The following LRRTM4 variants were observed in gnomAD, a reference collection of about 807,000 sequenced individuals.
LRRTM4 encodes leucine rich repeat transmembrane neuronal 4.
In LRRTM4, 25 loss-of-function variants were observed where a neutral mutation model predicts 47.6. The ratio of observed to expected loss-of-function variants is 0.53; its 90% CI spans 0.38 to 0.73. The LOEUF (loss-of-function observed/expected upper bound fraction) is 0.73, where lower values mean the gene tolerates loss of function less well. LRRTM4 is among the 30% of genes least tolerant of loss of function. The pLI, the probability that LRRTM4 is intolerant of heterozygous loss-of-function variation, is 0.00. For missense variants in LRRTM4, 638 were observed against 713.4 expected, an observed-to-expected ratio of 0.89 and a Z score of 1.20; for synonymous variants, 311 against 269.5, an observed-to-expected ratio of 1.15 and a Z score of -1.51.
intron 3 of LRRTM4, 174 bp downstream of exon 3, chr2:77,518,144 A>T: frequency 2.4e-6 from 3 of 1,245,664 alleles, no homozygotes; most frequent in African/African-American, 1.5e-5. Context: ...AAAAAAAAAA[A>T]GCAGTCAATT....
intron 3 of LRRTM4, among the ~76,000 whole-genome samples, chr2:76,872,738 G>A (rs562655663): frequency 1.4e-4 from 21 of 152,104 alleles, no homozygotes; most frequent in Admixed American, 1.2e-3. Flanking sequence ...AATGTAGGAG[G>A]TGAGACCTAA....
chr2:77,270,153 A>T (rs1031879274), intron 3 of LRRTM4, among the ~76,000 whole-genome samples: 1 of 152,190 alleles, frequency 6.6e-6, no homozygotes, highest in Non-Finnish European at 1.5e-5. Flanking sequence ...CCAAAGTAAA[A>T]ACCTCTACCT....
chr2:77,504,715 A>T (rs1164467185), intron 3 of LRRTM4, among the ~76,000 whole-genome samples: 1 of 151,580 alleles, frequency 6.6e-6, no homozygotes, highest in African/African-American at 2.4e-5. Context: ...AGGAGCTGAC[A>T]TCCCTTATTT....
chr2:77,429,546 TACA>T (rs1675273306), intron 3 of LRRTM4, among the ~76,000 whole-genome samples: 1 of 152,184 alleles, frequency 6.6e-6, no homozygotes, highest in African/African-American at 2.4e-5. Context: ...TCCTGTCGTT[TACA>T]ACGACATAGA....
chr2:77,509,593 T>C (rs1167378429), intron 3 of LRRTM4, among the ~76,000 whole-genome samples: 2 of 152,152 alleles, frequency 1.3e-5, no homozygotes, highest in Non-Finnish European at 2.9e-5. Flanking sequence ...TCATCATAAC[T>C]AATAATAACA....
At chr2:77,241,219 C>T (rs966649115) in intron 3 of LRRTM4, among the ~76,000 whole-genome samples, 22 of 106,126 alleles carry the variant, frequency 2.1e-4, no homozygotes, top group Non-Finnish European at 2.1e-5. Flanking sequence ...CACACACACA[C>T]ACACACACAC....
At chr2:77,016,531 C>A (rs1678077994) in intron 3 of LRRTM4, among the ~76,000 whole-genome samples, 1 of 152,044 alleles carries the variant, frequency 6.6e-6, no homozygotes, top group Non-Finnish European at 1.5e-5. Context: ...TAATGTATTA[C>A]AATCATGTTG....
intron 3 of LRRTM4, among the ~76,000 whole-genome samples, chr2:76,890,957 T>C (rs1425326966): frequency 1.3e-5 from 2 of 151,774 alleles, no homozygotes; most frequent in African/African-American, 4.8e-5. Context: ...CACAGCCTAA[T>C]GGGGAAATTA....
intron 3 of LRRTM4, among the ~76,000 whole-genome samples, chr2:77,382,256 A>G (rs1375050430): frequency 6.6e-6 from 1 of 152,138 alleles, no homozygotes; most frequent in East Asian, 1.9e-4. Flanking sequence ...CAAATATATT[A>G]TCACTGATGG....
At chr2:77,224,706 G>T (rs1220103650) in intron 3 of LRRTM4, among the ~76,000 whole-genome samples, 1 of 152,056 alleles carries the variant, frequency 6.6e-6, no homozygotes, top group Admixed American at 6.6e-5. Context: ...AAAAAGTCAG[G>T]AAACAACAGG....
chr2:76,847,540 G>T (rs1298416539), intron 3 of LRRTM4, among the ~76,000 whole-genome samples: 1 of 151,776 alleles, frequency 6.6e-6, no homozygotes, highest in African/African-American at 2.4e-5. Flanking sequence ...TGGCCAGCAG[G>T]TCAGTCTAGG....
intron 3 of LRRTM4, among the ~76,000 whole-genome samples, chr2:77,101,662 A>C (rs1164883881): frequency 1.3e-5 from 2 of 152,164 alleles, no homozygotes; most frequent in Non-Finnish European, 2.9e-5. Flanking sequence ...TTCACATAGG[A>C]ATTCTGATTT....
chr2:76,780,927 G>T (rs1413631852), intron 3 of LRRTM4, among the ~76,000 whole-genome samples: 2 of 152,078 alleles, frequency 1.3e-5, no homozygotes, highest in Non-Finnish European at 2.9e-5. Context: ...GTGATGTACA[G>T]ATGGGTTTGT....
chr2:77,283,931 TG>T (rs2104107107), intron 3 of LRRTM4, among the ~76,000 whole-genome samples: 1 of 152,152 alleles, frequency 6.6e-6, no homozygotes, highest in Admixed American at 6.6e-5. Context: ...TTACTCAATA[TG>T]TCCATTCAAC....
intron 3 of LRRTM4, among the ~76,000 whole-genome samples, chr2:77,409,173 T>C (rs571076853): frequency 6.6e-6 from 1 of 152,238 alleles, no homozygotes; most frequent in African/African-American, 2.4e-5. Context: ...TAATAATATG[T>C]GTAAGAGTGT....
chr2:77,248,018 G>C (rs1257129807), intron 3 of LRRTM4, among the ~76,000 whole-genome samples: 2 of 150,218 alleles, frequency 1.3e-5, no homozygotes, highest in Non-Finnish European at 3.0e-5. Context: ...GGTTATACTA[G>C]TACACCAGAA....
intron 3 of LRRTM4, among the ~76,000 whole-genome samples, chr2:77,404,326 C>A (rs973284240): frequency 4.0e-5 from 6 of 151,898 alleles, no homozygotes; most frequent in African/African-American, 1.5e-4. Context: ...TCTAATTTTC[C>A]CATCATCTTT....
At chr2:77,306,508 A>G (rs1462976446) in intron 3 of LRRTM4, among the ~76,000 whole-genome samples, 1 of 152,204 alleles carries the variant, frequency 6.6e-6, no homozygotes, top group Admixed American at 6.5e-5. Flanking sequence ...TGTTATGCAA[A>G]TGTGATGCCT....
chr2:76,915,806 G>C (rs1674222999), intron 3 of LRRTM4, among the ~76,000 whole-genome samples: 1 of 152,000 alleles, frequency 6.6e-6, no homozygotes. Context: ...AGAAAGTGAA[G>C]AAAATTATAA....
Sources: gnomAD v4.1 joint callset for allele counts (sites outside exome capture counted in the v4.1 genomes callset) on GRCh38, gnomAD v4.1.1 for gene constraint, MANE v1.5 for transcripts, NCBI Gene and HGNC (gene_info 2026-07-23, HGNC 2026-07-21) for gene names.